ZIM3: variants seen among roughly 807,000 people sequenced by gnomAD.
ZIM3 encodes zinc finger protein 657.
In ZIM3, 11 loss-of-function variants were observed where a neutral mutation model predicts 12.9. The observed-to-expected ratio is 0.85, with a 90% CI of 0.54 to 1.41. The LOEUF is 1.41. Among genes scored for constraint, ZIM3 ranks in the 40% most tolerant of loss-of-function variants. ZIM3 has a pLI of 0.00. For synonymous variants in ZIM3, 205 were observed against 198.5 expected (o/e 1.03, Z -0.28); for missense variants, 604 against 557.2 (o/e 1.08, Z -0.85).
In ZIM3 at chr19:57,137,897, AGG is replaced by A. The variant is rs1188209312; in HGVS notation, c.142+573_142+574del. On this transcript the variant is annotated intron_variant, in intron 3 of 4. Transcript: ENST00000269834. The stretch of plus-strand genomic sequence containing the variant: ...AAGGAAGGAAGGAAGGAAAGAAGGA[AGG>A]AAAGAAGGAAGGAAGGAAGGAAAGA... Among the ~76,000 whole-genome samples, 10 of 63,354 alleles carry A rather than the reference AGG, an allele frequency of 1.6e-4. 1 individual carries two copies. The highest frequency in any genetic ancestry group is 5.4e-4 in the African/African-American group (8 of 14,698). 41.6% of individuals were successfully genotyped at this position (63,354 alleles called of 152,430 possible). A position where few individuals can be genotyped will look rare whatever the true frequency, so the allele number is the denominator to read the frequency against.
chr19:57,139,347 AAAAAG>A (rs552638669), intron 2 of ZIM3, among the ~76,000 whole-genome samples: 5 of 152,106 alleles, frequency 3.3e-5, no homozygotes, highest in African/African-American at 4.8e-5. Flanking sequence ...AAAGAAAAAG[AAAAAG>A]AAAAGAAAAG....
intron 2 of ZIM3, among the ~76,000 whole-genome samples, chr19:57,139,143 A>G (rs1158156229): frequency 2.0e-5 from 3 of 152,086 alleles, no homozygotes; most frequent in Non-Finnish European, 4.4e-5. Flanking sequence ...TCTGGCCAAC[A>G]TGAAGAAACC....
rs2086876652 is a variant in ZIM3, at chr19:57,134,639, TG to T, written c.*278del. 8.2e-6 allele frequency: 3 copies of T among 365,944 alleles called. No homozygotes were observed. The highest frequency in any genetic ancestry group is 6.2e-5 in the African/African-American group (3 of 48,694). 22.7% of individuals were successfully genotyped at this position (365,944 alleles called of 1,614,324 possible). A position where few individuals can be genotyped will look rare whatever the true frequency, so the allele number is the denominator to read the frequency against. On this transcript the variant is annotated 3_prime_UTR_variant, in exon 5 of 5. Transcript: ENST00000269834. ...ATGGATACCACTGGTCATTATTCAC[TG>T]GAATAAAACTCCATCAGGGTTTTAG...
intron 1 of ZIM3, among the ~76,000 whole-genome samples, chr19:57,143,409 A>G (rs927967427): frequency 1.3e-5 from 2 of 152,044 alleles, no homozygotes; most frequent in South Asian, 2.1e-4. Context: ...TGCAAAGACA[A>G]TGAGGCAAGC....
At chr19:57,141,166 G>A (rs8105078) in intron 2 of ZIM3, among the ~76,000 whole-genome samples, 25,219 of 151,862 alleles carry the variant, frequency 0.17, 2,223 homozygotes, top group South Asian at 0.22. Context: ...AGGCTGAGGC[G>A]GGTGGATCAC....
chr19:57,137,661 C>G (rs990959511), intron 3 of ZIM3, among the ~76,000 whole-genome samples: 2 of 150,042 alleles, frequency 1.3e-5, no homozygotes, highest in African/African-American at 4.9e-5. Flanking sequence ...TGCAGTGAGC[C>G]GAGATCACAC....
chr19:57,135,004 T>A lies in ZIM3; in HGVS notation c.1333A>T (p.Lys445Ter). The A allele has an allele frequency of 6.2e-7, 1 of 1,614,138 alleles. No homozygotes were observed. The highest frequency in any genetic ancestry group is 8.5e-7 in the Non-Finnish European group (1 of 1,180,026). Residue 445 changes from lysine to a stop codon, truncating the protein, a stop_gained, in exon 5 of 5, where the codon AAA becomes TAA. Transcript: ENST00000269834. LOFTEE classifies it low-confidence loss of function (END_TRUNC). ...CCGCATTCAGAACATCCATAAGGTTTTTGTCCAGTATGGGTTTTTTTATGC... is the reference window on the plus strand; with the variant it reads ...CCGCATTCAGAACATCCATAAGGTTATTGTCCAGTATGGGTTTTTTTATGC... The part of the protein sequence containing the change: ...SLHKKTHTGQ[K>*]PYGCSECGKA...
rs1386167259 is a variant in ZIM3, at chr19:57,135,134, AAAG to A, written c.1200_1202del (p.Phe401del). The stretch of plus-strand genomic sequence containing the variant: ...GATGGCTATGAAGGTTTGACTTCTG[AAAG>A]AAGGCTTTTCCACATCTGTTACATT... On this transcript the variant is annotated inframe_deletion, in exon 5 of 5. Transcript: ENST00000269834. 31 of 1,614,174 alleles carry A rather than the reference AAAG, an allele frequency of 1.9e-5. No homozygotes were observed. Among genetic ancestry groups the A allele is most frequent in the Non-Finnish European group, 2.5e-5 (29 of 1,180,036 alleles).
In ZIM3 at chr19:57,136,035, G is replaced by T. The variant is rs745473092; in HGVS notation, c.302C>A (p.Ala101Glu). The stretch of plus-strand genomic sequence containing the variant: ...CTTATTGATTGATGGGACTTCTCTT[G>T]CGAGACTCTCTTTCACATCCTTTGG... ...WKPKDVKESL[A>E]REVPSINKET... The change falls in exon 5 of 5, where the codon GCA becomes GAA. Residue 101 changes from alanine to glutamate, a missense_variant. By Grantham distance (107) the Ala-to-Glu change is moderately radical. Transcript: ENST00000269834. The T allele has an allele frequency of 1.9e-6, 3 of 1,614,046 alleles. No homozygotes were observed. Among genetic ancestry groups the T allele is most frequent in the Admixed American group, 3.3e-5 (2 of 59,994 alleles).
chr19:57,136,828 G>A (rs1309599880), intron 4 of ZIM3, 45 bp downstream of exon 4: 2 of 1,548,466 alleles, frequency 1.3e-6, no homozygotes, highest in African/African-American at 1.4e-5. Context: ...AAGCTGAATT[G>A]GCTTCCATGC....
chr19:57,138,392 C>T (rs1270488891), intron 3 of ZIM3, 80 bp downstream of exon 3: 2 of 1,602,260 alleles, frequency 1.2e-6, no homozygotes, highest in African/African-American at 1.3e-5. Context: ...TCTGTGCCAA[C>T]CCTATTTGGC....
chr19:57,141,198 C>T (rs1335237336), intron 2 of ZIM3, among the ~76,000 whole-genome samples: 8 of 151,772 alleles, frequency 5.3e-5, no homozygotes, highest in Non-Finnish European at 1.5e-5. Context: ...AGTTCGAGAC[C>T]AGCCCGACCA....
intron 1 of ZIM3, among the ~76,000 whole-genome samples, chr19:57,143,312 C>T (rs974934214): frequency 2.7e-5 from 4 of 145,828 alleles, no homozygotes; most frequent in South Asian, 2.2e-4. Context: ...GCCTGGGCGA[C>T]AGAGCGAGAC....
At position 57,134,954 on chromosome 19, in the gene ZIM3, G is replaced by T. The variant is rs372097936; in HGVS notation, c.1383C>A (p.Tyr461Ter). 3.2e-5 allele frequency: 52 copies of T among 1,613,884 alleles called. No individual in the cohort carries two copies. Among genetic ancestry groups the T allele is most frequent in the Non-Finnish European group, 4.4e-5 (52 of 1,179,982 alleles). Residue 461 changes from tyrosine to a stop codon, truncating the protein, a stop_gained, in exon 5 of 5, where the codon TAC (tyrosine) becomes TAA (stop). Transcript: ENST00000269834. LOFTEE classifies it low-confidence loss of function (END_TRUNC). ...GAATTCTTTTCTGGTGCCTAACAAG[G>T]TATGACCTGTCAGCGAAGGCTTTAC... Reference protein sequence around the residue: ...ECGKAFADRSYLVRHQKRIHS... With the variant: ...ECGKAFADRS
In ZIM3 at chr19:57,138,456, G is replaced by A. The variant is rs111797761; in HGVS notation, c.142+16C>T. On this transcript the variant is annotated intron_variant, in intron 3 of 4. Coordinates refer to ENST00000269834, the MANE Select transcript of ZIM3 (RefSeq NM_052882.1). ...CCTTAGGTTTTGAGTCCCCCTGCCC[G>A]GGAAGCCGTCCTTACCCACAGAGAC... 893 of 1,613,936 alleles carry A rather than the reference G, an allele frequency of 5.5e-4. 3 individuals carry two copies. The African/African-American group carries it at 7.5e-3, about 14-fold the overall frequency.
rs755754260 is a variant in ZIM3, at chr19:57,136,935, C to T, written c.179G>A (p.Arg60Lys). Residue 60 changes from arginine to lysine, a missense_variant, in exon 4 of 5, where the codon AGG becomes AAG. Transcript: ENST00000269834. ...GETTKPDVILRLEQGKEPWLE... is the reference protein window; with the variant it reads ...GETTKPDVILKLEQGKEPWLE... ...CCATGGCTCCTTTCCTTGTTCCAAC[C>T]TCAAGATCACATCGGGTTTGGTGGT... 2 of 1,614,184 alleles carry T rather than the reference C, an allele frequency of 1.2e-6. No individual in the cohort carries two copies. Among genetic ancestry groups the T allele is most frequent in the South Asian group, 2.2e-5 (2 of 91,078 alleles).
chr19:57,134,968 C>T lies in ZIM3; in HGVS notation c.1369G>A (p.Ala457Thr), dbSNP rs752041536. The change falls in exon 5 of 5, where the codon GCT becomes ACT. Residue 457 changes from alanine to threonine, a missense_variant. Ala to Thr is a moderately conservative substitution (Grantham distance 58). Transcript: ENST00000269834. ...TGCCTAACAAGGTATGACCTGTCAG[C>T]GAAGGCTTTACCGCATTCAGAACAT... Reference protein sequence around the residue: ...YGCSECGKAFADRSYLVRHQK... With the variant: ...YGCSECGKAFTDRSYLVRHQK... The T allele has an allele frequency of 3.7e-6, 6 of 1,614,068 alleles. No individual in the cohort carries two copies. Among genetic ancestry groups the T allele is most frequent in the African/African-American group, 2.7e-5 (2 of 75,008 alleles).
chr19:57,136,350 G>A (rs1373314156), intron 4 of ZIM3, among the ~76,000 whole-genome samples: 1 of 152,056 alleles, frequency 6.6e-6, no homozygotes. Context: ...GGGATACCAG[G>A]GAGAGGGAGA....
At chr19:57,142,750 G>T in intron 1 of ZIM3, 65 bp from the exon 2 acceptor site, 1 of 1,286,732 alleles carries the variant, frequency 7.8e-7, no homozygotes, top group Non-Finnish European at 1.1e-6. Flanking sequence ...GGATCATCCA[G>T]CATAGAATGC....
Sources: allele counts gnomAD v4.1 joint callset (sites outside exome capture counted in the v4.1 genomes callset), GRCh38; gene constraint gnomAD v4.1.1; transcripts MANE v1.5; gene names NCBI Gene and HGNC (gene_info 2026-07-23, HGNC 2026-07-21).